PTPRT: variants seen among roughly 807,000 people sequenced by gnomAD.
PTPRT encodes the protein protein tyrosine phosphatase receptor type T, also known as receptor-type tyrosine-protein phosphatase T.
In PTPRT, 56 loss-of-function variants were observed where a neutral mutation model predicts 176.8. That is an observed-to-expected ratio of 0.32 (90% CI 0.26 to 0.40). PTPRT has a LOEUF of 0.40. Ranked by LOEUF, PTPRT falls within the 10% of genes least tolerant of loss-of-function variation. The pLI is 1.00. For missense variants in PTPRT, 1,540 were observed against 1,908.2 expected (o/e 0.81, Z 3.60); for synonymous variants, 783 against 739.0 (o/e 1.06, Z -0.96).
chr20:42,860,183 T>C (rs1159351825), intron 2 of PTPRT, among the ~76,000 whole-genome samples: 1 of 152,140 alleles, frequency 6.6e-6, no homozygotes, highest in African/African-American at 2.4e-5. Context: ...GTGAAGTTTG[T>C]CTATAACATG....
At chr20:42,991,291 G>C (rs1311772477) in intron 1 of PTPRT, among the ~76,000 whole-genome samples, 1 of 152,052 alleles carries the variant, frequency 6.6e-6, no homozygotes, top group African/African-American at 2.4e-5. Context: ...AAGTTTTTCT[G>C]CAAGGCACTA....
At chr20:42,980,132 C>T (rs900228719) in intron 1 of PTPRT, among the ~76,000 whole-genome samples, 2 of 152,052 alleles carry the variant, frequency 1.3e-5, no homozygotes, top group African/African-American at 2.4e-5. Flanking sequence ...CTTCTATTTC[C>T]AAACGAAGTC....
At chr20:42,968,118 T>A (rs542459965) in intron 1 of PTPRT, among the ~76,000 whole-genome samples, 41 of 152,172 alleles carry the variant, frequency 2.7e-4, no homozygotes, top group Non-Finnish European at 5.6e-4. Flanking sequence ...CCCTTCCCCC[T>A]TTCAAGTCTA....
intron 2 of PTPRT, among the ~76,000 whole-genome samples, chr20:42,842,978 A>T (rs983789860): frequency 6.6e-6 from 1 of 152,176 alleles, no homozygotes; most frequent in Non-Finnish European, 1.5e-5. Context: ...GTGGCAACAT[A>T]CGAATTTGGA....
At position 42,791,216 on chromosome 20, in the gene PTPRT, A is replaced by T. The variant is rs2145546380; in HGVS notation, c.465T>A (p.Thr155=). Reference sequence around the variant, plus strand: ...ATACCTGATAGAAATGTGGCCAGAAAGTGCTGATGGCGAGCTCTGCCTTCA... The same window carrying T: ...ATACCTGATAGAAATGTGGCCAGAATGTGCTGATGGCGAGCTCTGCCTTCA... The part of the protein sequence containing the change: ...GWVKAELAIS[T]FWPHFYQVIF... Residue 155 remains threonine (T), a synonymous_variant, in exon 3 of 31, where the codon ACT becomes ACA. Transcript: ENST00000373187. The T allele has an allele frequency of 6.3e-7, 1 of 1,592,588 alleles. No homozygotes were observed. The highest frequency in any genetic ancestry group is 8.6e-7 in the Non-Finnish European group (1 of 1,168,392).
chr20:42,507,434 G>A lies in PTPRT; in HGVS notation c.1154-34872C>T, dbSNP rs58370177. On this transcript the variant is annotated intron_variant, in intron 7 of 30. Coordinates refer to ENST00000373187, the MANE Select transcript of PTPRT (RefSeq NM_007050.6). Reference sequence around the variant, plus strand: ...CAAGAAGGGAGAAGCCTTCTTGGCCGAGAAGGGAAAGCCCATCGTGTGCTC... The same window carrying A: ...CAAGAAGGGAGAAGCCTTCTTGGCCAAGAAGGGAAAGCCCATCGTGTGCTC... Among the ~76,000 whole-genome samples the A allele has an allele frequency of 8.7e-3, 1,316 of 152,072 alleles. 18 individuals are homozygous for A. The highest frequency in any genetic ancestry group is 0.031 in the African/African-American group (1,274 of 41,480).
intron 1 of PTPRT, among the ~76,000 whole-genome samples, chr20:43,144,577 G>A (rs2014112175): frequency 6.6e-6 from 1 of 152,114 alleles, no homozygotes; most frequent in South Asian, 2.1e-4. Flanking sequence ...GGAATCAAAA[G>A]TGATGTATGA....
At chr20:42,286,747 G>T (rs999077945) in intron 12 of PTPRT, among the ~76,000 whole-genome samples, 1 of 151,774 alleles carries the variant, frequency 6.6e-6, no homozygotes, top group Non-Finnish European at 1.5e-5. Context: ...AAACAAGTGG[G>T]ATTATATAAA....
At chr20:42,871,242 G>T (rs772901458) in intron 2 of PTPRT, among the ~76,000 whole-genome samples, 1 of 150,818 alleles carries the variant, frequency 6.6e-6, no homozygotes, top group African/African-American at 2.4e-5. Flanking sequence ...ATGAACCACC[G>T]TGCCTGGCCG....
intron 6 of PTPRT, among the ~76,000 whole-genome samples, chr20:42,700,152 T>C (rs1170775197): frequency 6.6e-6 from 1 of 152,164 alleles, no homozygotes; most frequent in Non-Finnish European, 1.5e-5. Flanking sequence ...ACCTAGCGTT[T>C]GGGGATTTTT....
At chr20:42,240,673 C>A (rs2056334583) in intron 14 of PTPRT, among the ~76,000 whole-genome samples, 1 of 151,944 alleles carries the variant, frequency 6.6e-6, no homozygotes, top group African/African-American at 2.4e-5. Context: ...CATCCATGAA[C>A]CTATCCATGC....
intron 10 of PTPRT, among the ~76,000 whole-genome samples, chr20:42,350,994 C>A (rs2058275442): frequency 6.6e-6 from 1 of 152,146 alleles, no homozygotes; most frequent in Admixed American, 6.5e-5. Context: ...ACGTTCCACA[C>A]CTAATAAACA....
intron 2 of PTPRT, among the ~76,000 whole-genome samples, chr20:42,816,281 T>TAGGA (rs2145637016): frequency 6.6e-6 from 1 of 152,304 alleles, no homozygotes; most frequent in South Asian, 2.1e-4. Context: ...ACCTTAAAGG[T>TAGGA]AGGAGCATTC....
chr20:42,489,209 A>G (rs778266166), intron 7 of PTPRT, among the ~76,000 whole-genome samples: 2 of 152,036 alleles, frequency 1.3e-5, no homozygotes, highest in Non-Finnish European at 2.9e-5. Flanking sequence ...CCCTAATGGT[A>G]GACATGAAAT....
chr20:42,459,028 A>G (rs1011496561), intron 8 of PTPRT, among the ~76,000 whole-genome samples: 1 of 152,196 alleles, frequency 6.6e-6, no homozygotes, highest in African/African-American at 2.4e-5. Flanking sequence ...GGAAAGAGAG[A>G]CAAAGAGTGT....
chr20:43,151,000 A>C (rs1296827763), intron 1 of PTPRT, among the ~76,000 whole-genome samples: 1 of 152,052 alleles, frequency 6.6e-6, no homozygotes, highest in African/African-American at 2.4e-5. Flanking sequence ...TTAGCACTTC[A>C]GTGTGGTAAA....
chr20:42,182,813 G>T (rs1001829310), intron 16 of PTPRT, among the ~76,000 whole-genome samples: 2 of 151,988 alleles, frequency 1.3e-5, no homozygotes, highest in Admixed American at 6.6e-5. Context: ...TTCAAGAATG[G>T]AATGCCGTAG....
intron 9 of PTPRT, among the ~76,000 whole-genome samples, chr20:42,352,755 G>A (rs988952485): frequency 6.6e-6 from 1 of 152,254 alleles, no homozygotes; most frequent in African/African-American, 2.4e-5. Flanking sequence ...ATAATTGCTT[G>A]AGGGGATGGA....
chr20:42,875,022 T>C (rs1568652036), intron 2 of PTPRT, among the ~76,000 whole-genome samples: 1 of 152,280 alleles, frequency 6.6e-6, no homozygotes, highest in East Asian at 1.9e-4. Context: ...GCAGCAGTGT[T>C]TGTCATCAGA....
Sources: gnomAD v4.1 joint callset for allele counts (sites outside exome capture counted in the v4.1 genomes callset) on GRCh38, gnomAD v4.1.1 for gene constraint, MANE v1.5 for transcripts, NCBI Gene and HGNC (gene_info 2026-07-23, HGNC 2026-07-21) for gene names.